Variants in DLC1 observed in about 807,000 individuals in gnomAD.
DLC1 encodes rho GTPase-activating protein 7.
DLC1 carries 54 observed loss-of-function variants against 140.3 expected under a neutral mutation model. That is an observed-to-expected ratio of 0.38 (90% CI 0.31 to 0.48). The LOEUF is 0.48. Ranked by LOEUF, DLC1 falls within the 20% of genes least tolerant of loss-of-function variation. The pLI is 0.96. For missense variants in DLC1, 2,536 were observed against 1,907.0 expected (o/e 1.33, Z -6.14); for synonymous variants, 986 against 728.1 (o/e 1.35, Z -5.70).
At chr8:13,397,512 G>A (rs1435516353) in intron 3 of DLC1, among the ~76,000 whole-genome samples, 1 of 152,054 alleles carries the variant, frequency 6.6e-6, no homozygotes, top group African/African-American at 2.4e-5. Flanking sequence ...GAGGAAAAAT[G>A]ATGGCGCAAT....
intron 5 of DLC1, among the ~76,000 whole-genome samples, chr8:13,296,617 C>T (rs545370915): frequency 6.6e-6 from 1 of 152,238 alleles, no homozygotes; most frequent in African/African-American, 2.4e-5. Flanking sequence ...GTTTCATCTA[C>T]CAAATAAACA....
At chr8:13,566,283 T>C (rs1486438261) in intron 1 of DLC1, among the ~76,000 whole-genome samples, 1 of 152,134 alleles carries the variant, frequency 6.6e-6, no homozygotes, top group African/African-American at 2.4e-5. Context: ...GTGGATATGC[T>C]AGCCAGAGGG....
chr8:13,181,697 T>C (rs1163853160), intron 5 of DLC1, among the ~76,000 whole-genome samples: 4 of 146,456 alleles, frequency 2.7e-5, no homozygotes, highest in African/African-American at 1.1e-4. Context: ...TAGTATTCCA[T>C]GGTATATATG....
intron 5 of DLC1, among the ~76,000 whole-genome samples, chr8:13,187,048 G>A (rs946661692): frequency 6.6e-6 from 1 of 152,118 alleles, no homozygotes; most frequent in African/African-American, 2.4e-5. Flanking sequence ...TGGAAGCTTC[G>A]TGCCAGAGGG....
At chr8:13,351,335 C>T (rs1000747477) in intron 4 of DLC1, among the ~76,000 whole-genome samples, 11 of 152,150 alleles carry the variant, frequency 7.2e-5, no homozygotes, top group African/African-American at 2.7e-4. Flanking sequence ...AACTAGGAAA[C>T]AGTTGGGATT....
At chr8:13,261,565 G>C (rs1830470099) in intron 5 of DLC1, among the ~76,000 whole-genome samples, 1 of 152,128 alleles carries the variant, frequency 6.6e-6, no homozygotes, top group African/African-American at 2.4e-5. Flanking sequence ...GGGTGGAGGT[G>C]GGGAGGCCAG....
intron 2 of DLC1, among the ~76,000 whole-genome samples, chr8:13,471,683 A>G (rs1391539487): frequency 6.6e-6 from 1 of 152,112 alleles, no homozygotes; most frequent in Non-Finnish European, 1.5e-5. Flanking sequence ...CTGAACTTAA[A>G]ATAAAAGTTA....
chr8:13,159,225 G>A (rs1404889579), intron 5 of DLC1, among the ~76,000 whole-genome samples: 6 of 152,098 alleles, frequency 3.9e-5, no homozygotes, highest in East Asian at 1.9e-4. Flanking sequence ...ATTCTCATGC[G>A]TCCACTCCCT....
intron 2 of DLC1, among the ~76,000 whole-genome samples, chr8:13,431,408 G>C (rs188925148): frequency 6.8e-6 from 1 of 147,502 alleles, no homozygotes; most frequent in African/African-American, 2.5e-5. Context: ...GTGTGAACCC[G>C]GGAGGCGGAG....
At chr8:13,272,739 T>C (rs929906954) in intron 5 of DLC1, among the ~76,000 whole-genome samples, 4 of 150,992 alleles carry the variant, frequency 2.6e-5, no homozygotes, top group African/African-American at 9.7e-5. Flanking sequence ...CTGGGCGTGG[T>C]GGTGGGCGCC....
intron 1 of DLC1, among the ~76,000 whole-genome samples, chr8:13,535,219 A>G (rs1803236534): frequency 6.6e-6 from 1 of 152,162 alleles, no homozygotes; most frequent in Non-Finnish European, 1.5e-5. Context: ...ACAAGGGTCT[A>G]AATAGTCATG....
intron 4 of DLC1, among the ~76,000 whole-genome samples, chr8:13,371,886 T>G (rs922153674): frequency 5.9e-5 from 9 of 152,076 alleles, no homozygotes; most frequent in African/African-American, 2.2e-4. Context: ...GTAAATGTAA[T>G]GTACAGACCA....
chr8:13,151,515 C>G lies in DLC1; in HGVS notation c.1349-35858G>C, dbSNP rs541763889. On this transcript the variant is annotated intron_variant, in intron 5 of 17. Transcript: ENST00000276297. ...TGTGCTTAAGTGTAATCTGCATTTTCAAATCAATGGAATTAGTCAGTCTAG... is the reference window on the plus strand; with the variant it reads ...TGTGCTTAAGTGTAATCTGCATTTTGAAATCAATGGAATTAGTCAGTCTAG... Among the ~76,000 whole-genome samples, 26 of 152,160 alleles carry G rather than the reference C, an allele frequency of 1.7e-4. No individual in the cohort carries two copies. In the South Asian group the frequency reaches 5.2e-3, roughly 30 times the overall value.
intron 4 of DLC1, among the ~76,000 whole-genome samples, chr8:13,376,108 G>A (rs904083813): frequency 6.6e-6 from 1 of 152,214 alleles, no homozygotes; most frequent in African/African-American, 2.4e-5. Flanking sequence ...CGTGGCATCC[G>A]CTAGCTGAAG....
intron 5 of DLC1, among the ~76,000 whole-genome samples, chr8:13,206,684 A>G (rs966114854): frequency 6.6e-6 from 1 of 152,136 alleles, no homozygotes; most frequent in African/African-American, 2.4e-5. Flanking sequence ...ACAAAATGCT[A>G]TAGACTGACA....
chr8:13,215,581 T>C (rs1452605582), intron 5 of DLC1, among the ~76,000 whole-genome samples: 2 of 151,944 alleles, frequency 1.3e-5, no homozygotes, highest in African/African-American at 4.8e-5. Context: ...GAAGACCCTA[T>C]CTCAAAAAAC....
At chr8:13,524,823 C>T (rs762592467) in intron 1 of DLC1, among the ~76,000 whole-genome samples, 13 of 151,762 alleles carry the variant, frequency 8.6e-5, no homozygotes, top group Non-Finnish European at 1.5e-4. Flanking sequence ...ATGTATTTTA[C>T]CAGGTTTATT....
chr8:13,161,253 C>T (rs778763274), intron 5 of DLC1, among the ~76,000 whole-genome samples: 6 of 152,186 alleles, frequency 3.9e-5, no homozygotes, highest in South Asian at 4.1e-4. Flanking sequence ...ATAGTAAGTG[C>T]GACCACAGTA....
At position 13,100,495 on chromosome 8, in the gene DLC1, G is replaced by A; in HGVS notation, c.1842C>T (p.Ala614=). The A allele has an allele frequency of 1.2e-6, 2 of 1,612,716 alleles. No homozygotes were observed. Among genetic ancestry groups the A allele is most frequent in the Non-Finnish European group, 1.7e-6 (2 of 1,179,948 alleles). The part of the protein sequence containing the change: ...PSHAPPSEDA[A]TPRTNSVISV... ...TGATGACGGAGTTAGTCCGGGGGGT[G>A]GCAGCATCCTCGCTGGGGGGCGCGT... Residue 614 remains alanine, a synonymous_variant, in exon 9 of 18, where the codon GCC becomes GCT. Coordinates refer to ENST00000276297, the MANE Select transcript of DLC1 (RefSeq NM_182643.3).
Sources: allele counts gnomAD v4.1 joint callset (sites outside exome capture counted in the v4.1 genomes callset), GRCh38; gene constraint gnomAD v4.1.1; transcripts MANE v1.5; gene names NCBI Gene and HGNC (gene_info 2026-07-23, HGNC 2026-07-21).